Variants in PRKAR2A observed in about 807,000 individuals in gnomAD.
PRKAR2A encodes cAMP-dependent protein kinase type II-alpha regulatory subunit.
Under a neutral mutation model 51.9 loss-of-function variants are expected in PRKAR2A, and 29 were observed. That is an observed-to-expected ratio of 0.56 (90% CI 0.42 to 0.76). The LOEUF (loss-of-function observed/expected upper bound fraction) is 0.76. Among genes scored for constraint, PRKAR2A ranks in the 30% least tolerant of loss-of-function variants. The pLI, the probability that PRKAR2A is intolerant of heterozygous loss-of-function variation, is 0.00. For missense variants in PRKAR2A, 445 were observed against 512.1 expected, an observed-to-expected ratio of 0.87 and a Z score of 1.26; for synonymous variants, 178 against 186.2, an observed-to-expected ratio of 0.96 and a Z score of 0.36.
chr3:48,825,141 G>A (rs550711340), intron 1 of PRKAR2A, among the ~76,000 whole-genome samples: 9 of 137,918 alleles, frequency 6.5e-5, no homozygotes, highest in Non-Finnish European at 1.4e-4. Flanking sequence ...TTCAAGCGAT[G>A]CCTCCTGCCT....
At position 48,764,988 on chromosome 3, in the gene PRKAR2A, TA is replaced by T; in HGVS notation, c.873+15del. 6.2e-7 allele frequency: 1 copy of T among 1,611,012 alleles called. No homozygotes were observed. Reference sequence around the variant, plus strand: ...GGTGACTTCCAGGAAAGGAGCTGCGTAAAGCCCTCACTCACCTGAGTGATTA... The same window carrying T: ...GGTGACTTCCAGGAAAGGAGCTGCGTAAGCCCTCACTCACCTGAGTGATTA... On this transcript the variant is annotated intron_variant, in intron 8 of 10. Coordinates refer to ENST00000265563, the MANE Select transcript of PRKAR2A (RefSeq NM_004157.4).
At chr3:48,843,599 C>T (rs1007327281) in intron 1 of PRKAR2A, among the ~76,000 whole-genome samples, 1 of 152,136 alleles carries the variant, frequency 6.6e-6, no homozygotes, top group Non-Finnish European at 1.5e-5. Context: ...TACAAGGCTA[C>T]AGTAACCAAA....
chr3:48,817,665 A>AAAAT (rs2082895581), intron 1 of PRKAR2A, among the ~76,000 whole-genome samples: 2 of 149,722 alleles, frequency 1.3e-5, no homozygotes, highest in South Asian at 4.2e-4. Flanking sequence ...ATAAATAAAT[A>AAAAT]AAATAAATAA....
intron 6 of PRKAR2A, among the ~76,000 whole-genome samples, chr3:48,771,634 G>T: frequency 6.6e-6 from 1 of 151,856 alleles, no homozygotes; most frequent in Admixed American, 6.6e-5. Context: ...TGCTGCCCAG[G>T]TAGGTCTCAA....
Position 48,847,231 on chromosome 3 carries a change from G to C in PRKAR2A, c.262+104C>G. On this transcript the variant is annotated intron_variant, in intron 1 of 10. Coordinates refer to ENST00000265563, the MANE Select transcript of PRKAR2A (RefSeq NM_004157.4). This position sits in a 1 kb window ranked among gnomAD's most constrained non-coding sequence, Gnocchi z 4.4. ...CGCGGCTACAGAGCTCCCAATCCCAGCCTGCGGTCGGCTTGGCTGCGGCGC... is the reference window on the plus strand; with the variant it reads ...CGCGGCTACAGAGCTCCCAATCCCACCCTGCGGTCGGCTTGGCTGCGGCGC... The C allele has an allele frequency of 1.4e-6, 2 of 1,407,628 alleles. No individual in the cohort carries two copies. The highest frequency in any genetic ancestry group is 1.9e-6 in the Non-Finnish European group (2 of 1,043,776). The allele number at this position is 1,407,628 out of a possible 1,614,324, so 87.2% of individuals were successfully genotyped here. A position where few individuals can be genotyped will look rare whatever the true frequency, so the allele number is the denominator to read the frequency against.
intron 1 of PRKAR2A, among the ~76,000 whole-genome samples, chr3:48,813,201 C>T (rs1389040426): frequency 6.7e-6 from 1 of 148,798 alleles, no homozygotes; most frequent in African/African-American, 2.5e-5. Flanking sequence ...TCGAGACCAA[C>T]CTGGGCAAGG....
intron 2 of PRKAR2A, 23 bp from the exon 3 acceptor site, chr3:48,794,072 A>C (rs1195040783): frequency 1.3e-6 from 2 of 1,554,846 alleles, no homozygotes; most frequent in African/African-American, 2.7e-5. Context: ...AGAAAAAAAC[A>C]AAAAGAATGA....
At chr3:48,828,708 CAAAAA>C (rs547132768) in intron 1 of PRKAR2A, among the ~76,000 whole-genome samples, 1 of 83,502 alleles carries the variant, frequency 1.2e-5, no homozygotes, top group Admixed American at 1.6e-4. Flanking sequence ...CCCCTGTCTC[CAAAAA>C]AAAAAAAAAA....
chr3:48,810,673 G>A (rs920530916), intron 1 of PRKAR2A, among the ~76,000 whole-genome samples: 9 of 151,978 alleles, frequency 5.9e-5, no homozygotes, highest in Middle Eastern at 3.4e-3. Flanking sequence ...TGGTACCCAC[G>A]GATACAAAGG....
chr3:48,756,350 C>T (rs1314031161), intron 9 of PRKAR2A, 29 bp downstream of exon 9: 3 of 1,571,980 alleles, frequency 1.9e-6, no homozygotes, highest in Admixed American at 1.7e-5. Flanking sequence ...TTTGTGTGTA[C>T]ACCATCACAT....
At chr3:48,806,231 G>A (rs1183461260) in intron 2 of PRKAR2A, among the ~76,000 whole-genome samples, 4 of 152,116 alleles carry the variant, frequency 2.6e-5, no homozygotes, top group Non-Finnish European at 5.9e-5. Context: ...AGGATTGAGG[G>A]ATAGAAAAGC....
Position 48,748,371 on chromosome 3 carries a change from C to G in PRKAR2A, c.*3214G>C, listed in dbSNP as rs1317090804. On this transcript the variant is annotated 3_prime_UTR_variant, in exon 11 of 11. Transcript: ENST00000265563. ...ATGGTTTGGAACTCCTGGGCTCAAG[C>G]AATCCTCCCACTTTGGCTTCCCAAA... The G allele has an allele frequency of 1.3e-5, 2 of 150,896 alleles. No homozygotes were observed. Among genetic ancestry groups the G allele is most frequent in the Non-Finnish European group, 1.5e-5 (1 of 67,824 alleles). The allele number at this position is 150,896 out of a possible 1,614,324, so 9.3% of individuals were successfully genotyped here. A position where few individuals can be genotyped will look rare whatever the true frequency, so the allele number is the denominator to read the frequency against.
chr3:48,758,072 A>ACATACATG (rs1016340327), intron 8 of PRKAR2A, among the ~76,000 whole-genome samples: 1 of 151,800 alleles, frequency 6.6e-6, no homozygotes, highest in Non-Finnish European at 1.5e-5. Context: ...TAAATAAAAT[A>ACATACATG]CATACATGCA....
chr3:48,796,081 T>A (rs918677576), intron 2 of PRKAR2A, among the ~76,000 whole-genome samples: 7 of 152,230 alleles, frequency 4.6e-5, no homozygotes, highest in Admixed American at 4.6e-4. Context: ...ATGAACTAGT[T>A]GTGATTACTG....
intron 6 of PRKAR2A, among the ~76,000 whole-genome samples, chr3:48,772,259 T>G (rs1252306759): frequency 6.6e-6 from 1 of 152,218 alleles, no homozygotes; most frequent in African/African-American, 2.4e-5. Context: ...TGATTTTGTA[T>G]TTTTTGAGAT....
intron 1 of PRKAR2A, among the ~76,000 whole-genome samples, chr3:48,808,032 CTTTTTTTCTTTCTTTCTTT>C (rs1207387192): frequency 2.1e-5 from 3 of 145,150 alleles, no homozygotes; most frequent in Admixed American, 6.9e-5. Flanking sequence ...GTGAAATTTT[CTTTTTTTCTTTCTTTCTTT>C]TTTTTTTTTT....
chr3:48,817,469 T>C (rs1354888482), intron 1 of PRKAR2A, among the ~76,000 whole-genome samples: 2 of 151,642 alleles, frequency 1.3e-5, no homozygotes, highest in Admixed American at 1.3e-4. Context: ...CTGGCCAACA[T>C]GGTGAAACCC....
chr3:48,847,289 C>T lies in PRKAR2A; in HGVS notation c.262+46G>A. ...GGCTCCCTGCCACCCCTCTAGACCT[C>T]TGGAGACCTCCTGCACCACTCCCCA... On this transcript the variant is annotated intron_variant, in intron 1 of 10. Transcript: ENST00000265563. This position sits in a 1 kb window ranked among gnomAD's most constrained non-coding sequence, Gnocchi z 4.4. 1 of 1,603,828 alleles carries T rather than the reference C, an allele frequency of 6.2e-7. No individual in the cohort carries two copies. The highest frequency in any genetic ancestry group is 8.5e-7 in the Non-Finnish European group (1 of 1,175,126).
chr3:48,756,782 T>C (rs1368247436), intron 8 of PRKAR2A, among the ~76,000 whole-genome samples: 2 of 152,232 alleles, frequency 1.3e-5, no homozygotes, highest in Non-Finnish European at 2.9e-5. Flanking sequence ...AACGCATTAT[T>C]ACTCATGCAC....
Sources: gnomAD v4.1 joint callset for allele counts (sites outside exome capture counted in the v4.1 genomes callset) on GRCh38, gnomAD v4.1.1 for gene constraint, Gnocchi (gnomAD v3.1) non-coding constraint, MANE v1.5 for transcripts, NCBI Gene and HGNC (gene_info 2026-07-23, HGNC 2026-07-21) for gene names.